TMPRSS7: variants seen among roughly 807,000 people sequenced by gnomAD.
TMPRSS7 encodes transmembrane serine protease 7, also known as transmembrane protease serine 7.
In TMPRSS7, 81 loss-of-function variants were observed where a neutral mutation model predicts 95.6. That is an observed-to-expected ratio of 0.85 (90% CI 0.71 to 1.02). The LOEUF (loss-of-function observed/expected upper bound fraction) is 1.02. Ranked by LOEUF, TMPRSS7 falls within the 50% of genes least tolerant of loss-of-function variation. TMPRSS7 has a pLI of 0.00. For synonymous variants in TMPRSS7, 364 were observed against 337.8 expected (o/e 1.08, Z -0.85); for missense variants, 945 against 955.2 (o/e 0.99, Z 0.14).
chr3:112,037,170 T>G (rs1009075224), intron 1 of TMPRSS7, among the ~76,000 whole-genome samples: 1 of 152,206 alleles, frequency 6.6e-6, no homozygotes, highest in African/African-American at 2.4e-5. Context: ...CTGACTGCCA[T>G]GCAGGACAGA....
chr3:112,052,784 A>G (rs1264481833), intron 9 of TMPRSS7, among the ~76,000 whole-genome samples: 1 of 152,218 alleles, frequency 6.6e-6, no homozygotes, highest in Non-Finnish European at 1.5e-5. Flanking sequence ...CCTTTGAGAT[A>G]AAATAAAGGT....
At chr3:112,051,193 A>G (rs980593566) in intron 9 of TMPRSS7, among the ~76,000 whole-genome samples, 2 of 152,228 alleles carry the variant, frequency 1.3e-5, no homozygotes, top group African/African-American at 2.4e-5. Flanking sequence ...GATTAAACCA[A>G]TCACAGATCA....
chr3:112,053,840 C>G (rs1161765221), intron 9 of TMPRSS7, among the ~76,000 whole-genome samples: 1 of 152,172 alleles, frequency 6.6e-6, no homozygotes, highest in African/African-American at 2.4e-5. Flanking sequence ...TGCTTCCCTA[C>G]GTTTCTTAAC....
chr3:112,063,280 A>C (rs766408717), intron 11 of TMPRSS7, among the ~76,000 whole-genome samples: 1 of 152,220 alleles, frequency 6.6e-6, no homozygotes, highest in African/African-American at 2.4e-5. Flanking sequence ...TTGCTTGTGC[A>C]TATGACCTGA....
intron 1 of TMPRSS7, among the ~76,000 whole-genome samples, chr3:112,036,561 T>C (rs1361079480): frequency 6.8e-6 from 1 of 146,414 alleles, no homozygotes; most frequent in Non-Finnish European, 1.5e-5. Context: ...AGAGCAAAAC[T>C]CTGTCAAAAA....
chr3:112,062,105 G>T (rs969529614), intron 11 of TMPRSS7, among the ~76,000 whole-genome samples, 182 bp downstream of exon 11: 13 of 151,062 alleles, frequency 8.6e-5, no homozygotes, highest in African/African-American at 3.1e-4. Context: ...AAATATATAA[G>T]ATTACATATT....
In TMPRSS7 at chr3:112,074,302, C is replaced by A. The variant is rs765306367; in HGVS notation, c.1673C>A (p.Pro558Gln). ...TTCTTTTGTCCATTGTTAGGTATTC[C>A]ATGCAACAACAGAACTTTTAAGTGT... Residue 558 changes from proline (P) to glutamine (Q), a missense_variant, in exon 14 of 18, where the codon CCA becomes CAA. Coordinates refer to ENST00000452346, the Ensembl canonical transcript of TMPRSS7. 10 of 1,611,574 alleles carry A rather than the reference C, an allele frequency of 6.2e-6. No individual in the cohort carries two copies. The African/African-American group carries it at 9.4e-5, about 15-fold the overall frequency.
chr3:112,076,369 A>C (rs1320888251), intron 15 of TMPRSS7, among the ~76,000 whole-genome samples: 1 of 152,228 alleles, frequency 6.6e-6, no homozygotes, highest in African/African-American at 2.4e-5. Context: ...ATTGTTGAGC[A>C]GTAAGAGTAG....
Position 112,067,758 on chromosome 3 carries a change from C to A in TMPRSS7, c.1666+1256C>A, listed in dbSNP as rs147202373. Among the ~76,000 whole-genome samples the A allele has an allele frequency of 2.6e-3, 397 of 152,172 alleles. 2 individuals are homozygous for A. Among genetic ancestry groups the A allele is most frequent in the Middle Eastern group, 0.01 (3 of 294 alleles). On this transcript the variant is annotated intron_variant, in intron 13 of 17. Transcript: ENST00000452346. Reference sequence around the variant, plus strand: ...CTTTGTGAAATGGGTAGATTGCAAACATTTTCTCCCATTCTGTAGGTTGCC... The same window carrying A: ...CTTTGTGAAATGGGTAGATTGCAAAAATTTTCTCCCATTCTGTAGGTTGCC...
chr3:112,043,637 T>C (rs2073239304), intron 3 of TMPRSS7, among the ~76,000 whole-genome samples: 1 of 152,174 alleles, frequency 6.6e-6, no homozygotes, highest in South Asian at 2.1e-4. Context: ...AGGGGAATAC[T>C]AGAGAAAATG....
At chr3:112,050,634 C>T (rs2073335046) in intron 8 of TMPRSS7, 37 bp from the exon 9 acceptor site, 1 of 1,201,810 alleles carries the variant, frequency 8.3e-7, no homozygotes, top group African/African-American at 1.5e-5. Flanking sequence ...AATCTCACAG[C>T]TGCAAATCAT....
intron 2 of TMPRSS7, among the ~76,000 whole-genome samples, chr3:112,038,759 G>C (rs1268508522): frequency 6.6e-6 from 1 of 152,106 alleles, no homozygotes; most frequent in African/African-American, 2.4e-5. Flanking sequence ...TAGGATTACA[G>C]GCGTGAACCA....
At chr3:112,067,110 G>C (rs999911211) in intron 13 of TMPRSS7, among the ~76,000 whole-genome samples, 3 of 152,160 alleles carry the variant, frequency 2.0e-5, no homozygotes, top group African/African-American at 7.2e-5. Flanking sequence ...ATAGTTTGCT[G>C]AGAATGATGG....
At chr3:112,045,661 C>T (rs1451626800) in intron 4 of TMPRSS7, 89 bp from the exon 5 acceptor site, 1 of 1,282,448 alleles carries the variant, frequency 7.8e-7, no homozygotes, top group Non-Finnish European at 1.1e-6. Context: ...AGGATGTGCT[C>T]ATTGGCCTTA....
chr3:112,054,729 C>CTTTTTCTTTT (rs2073409517), intron 9 of TMPRSS7, among the ~76,000 whole-genome samples: 1 of 49,010 alleles, frequency 2.0e-5, no homozygotes, highest in Non-Finnish European at 3.5e-5. Flanking sequence ...TCTCAGTTTG[C>CTTTTTCTTTT]TTTTTTTTTT....
At chr3:112,077,960 C>T (rs187607619) in intron 16 of TMPRSS7, among the ~76,000 whole-genome samples, 6 of 152,266 alleles carry the variant, frequency 3.9e-5, no homozygotes, top group Admixed American at 2.6e-4. Flanking sequence ...GTTTAGGACA[C>T]GTACAGCATC....
intron 7 of TMPRSS7, among the ~76,000 whole-genome samples, chr3:112,048,924 A>T (rs187596159): frequency 1.4e-3 from 212 of 152,310 alleles, no homozygotes; most frequent in Non-Finnish European, 1.5e-4. Context: ...ACTTAAGGCC[A>T]ATTAGTGCTG....
At chr3:112,077,129 C>A in exon 16 of TMPRSS7, 1 of 1,613,756 alleles carries the variant, frequency 6.2e-7, no homozygotes, top group Non-Finnish European at 8.5e-7. Context: ...TGGCTGGGGG[C>A]GAAGACACGA....
intron 2 of TMPRSS7, among the ~76,000 whole-genome samples, chr3:112,040,583 C>A (rs1231706193): frequency 6.6e-6 from 1 of 152,172 alleles, no homozygotes; most frequent in East Asian, 1.9e-4. Context: ...CAAACACACA[C>A]AACCCCAACC....
Sources: gnomAD v4.1 joint callset for allele counts (sites outside exome capture counted in the v4.1 genomes callset) on GRCh38, gnomAD v4.1.1 for gene constraint, MANE v1.5 for transcripts, NCBI Gene and HGNC (gene_info 2026-07-23, HGNC 2026-07-21) for gene names.